Variants in PSG3 observed in about 807,000 individuals in gnomAD.
PSG3 encodes pregnancy-specific beta-1-glycoprotein 3.
A neutral mutation model predicts 47.5 loss-of-function variants in PSG3; 61 were observed. The observed-to-expected ratio is 1.28, with a 90% confidence interval of 1.05 to 1.59. The LOEUF is 1.59. Ranked by LOEUF, PSG3 falls within the 40% of genes most tolerant of loss-of-function variation. The pLI is 0.00. For missense variants in PSG3, 756 were observed against 524.0 expected (o/e 1.44, Z -4.32); for synonymous variants, 263 against 198.4 (o/e 1.33, Z -2.74).
chr19:42,734,054 C>A (rs534302121), intron 2 of PSG3: 7 of 152,168 alleles, frequency 4.6e-5, no homozygotes, highest in African/African-American at 7.2e-5. Context: ...TACCTGATAT[C>A]AGTGGATTCC....
At position 42,724,326 on chromosome 19, in the gene PSG3, G is replaced by T. The variant is rs139621474; in HGVS notation, c.1244-301C>A. Among the ~76,000 whole-genome samples, 902 of 152,206 alleles carry T rather than the reference G, an allele frequency of 5.9e-3. 6 individuals are homozygous for T. Among genetic ancestry groups the T allele is most frequent in the Non-Finnish European group, 9.4e-3 (638 of 67,994 alleles). On this transcript the variant is annotated intron_variant, in intron 5 of 6. Coordinates refer to ENST00000327495, the MANE Select transcript of PSG3 (RefSeq NM_021016.4). ...TATGTCATTAGAACTTGCCACCTTT[G>T]CACCTTTTCATGGTTGCATCTTTTT...
intron 2 of PSG3, among the ~76,000 whole-genome samples, chr19:42,737,326 A>G (rs1969581690): frequency 6.6e-6 from 1 of 152,084 alleles, no homozygotes; most frequent in African/African-American, 2.4e-5. Context: ...GTTTTGGATC[A>G]TTCATTTCTT....
chr19:42,730,065 A>G lies in PSG3; in HGVS notation c.710-9T>C, dbSNP rs751602443. On this transcript the variant is annotated splice_polypyrimidine_tract_variant and intron_variant, in intron 3 of 6. Coordinates refer to ENST00000327495, the MANE Select transcript of PSG3 (RefSeq NM_021016.4). ...GGGCTTGGGCAGCTTCGCTGTGTGG[A>G]TAACAGAGAGAAGATTGTCCTGTGT... is the stretch of plus-strand genomic sequence containing the variant. The G allele has an allele frequency of 9.9e-6, 16 of 1,610,402 alleles. No homozygotes were observed. The highest frequency in any genetic ancestry group is 1.4e-5 in the Non-Finnish European group (16 of 1,178,660).
intron 6 of PSG3, 26 bp downstream of exon 6, chr19:42,723,916 C>A (rs1186430852): frequency 2.0e-6 from 3 of 1,523,806 alleles, no homozygotes; most frequent in African/African-American, 2.8e-5. Context: ...CTGCAGGAAC[C>A]AGGATAAGAG....
Position 42,738,907 on chromosome 19 carries a change from C to T in PSG3, c.247G>A (p.Val83Ile), listed in dbSNP as rs202155567. 2.7e-4 allele frequency: 434 copies of T among 1,613,852 alleles called. No individual in the cohort carries two copies. Among genetic ancestry groups the T allele is most frequent in the Middle Eastern group, 4.9e-4 (3 of 6,082 alleles). The change falls in exon 2 of 7, where the codon GTA becomes ATA. Residue 83 changes from valine (V) to isoleucine (I), a missense_variant. Physicochemically the swap from Val to Ile is conservative, Grantham distance 29 (BLOSUM62 3). Transcript: ENST00000327495. ...TATATAATTATTTGACCATCTACTACGTATGATGTAATGTAATGGTAGAGG... is the reference window on the plus strand; with the variant it reads ...TATATAATTATTTGACCATCTACTATGTATGATGTAATGTAATGGTAGAGG... ...KDLYHYITSYVVDGQIIIYGP... is the reference protein window; with the variant it reads ...KDLYHYITSYIVDGQIIIYGP...
Position 42,732,698 on chromosome 19 carries a change from G to T in PSG3, c.709+86C>A. 3 of 1,613,946 alleles carry T rather than the reference G, an allele frequency of 1.9e-6. No individual in the cohort carries two copies. In the Middle Eastern group the frequency reaches 5.0e-4, roughly 267 times the overall value. On this transcript the variant is annotated intron_variant, in intron 3 of 6. Transcript: ENST00000327495. ...CCAGGGGTAAAGGTCTCTGTACTTGGACCTGAGAGGGACTGAGAGGCCTGG... is the reference window on the plus strand; with the variant it reads ...CCAGGGGTAAAGGTCTCTGTACTTGTACCTGAGAGGGACTGAGAGGCCTGG...
chr19:42,727,052 G>T (rs1345426124), intron 5 of PSG3, among the ~76,000 whole-genome samples: 4 of 152,176 alleles, frequency 2.6e-5, no homozygotes, highest in Non-Finnish European at 4.4e-5. Flanking sequence ...CTCACCAAAT[G>T]ATATTGGGAA....
intron 5 of PSG3, among the ~76,000 whole-genome samples, chr19:42,728,116 G>T (rs950476393): frequency 2.0e-5 from 3 of 152,188 alleles, no homozygotes; most frequent in Admixed American, 6.5e-5. Flanking sequence ...TAAGGTTTAG[G>T]GGGAGAAGGA....
intron 3 of PSG3, 75 bp downstream of exon 3, chr19:42,732,709 G>A: frequency 6.2e-7 from 1 of 1,614,082 alleles, no homozygotes; most frequent in Non-Finnish European, 8.5e-7. Flanking sequence ...ACCTGAGAGG[G>A]ACTGAGAGGC....
At position 42,722,047 on chromosome 19, in the gene PSG3, T is replaced by G; in HGVS notation, c.*84A>C. 1 of 415,608 alleles carries G rather than the reference T, an allele frequency of 2.4e-6. No homozygotes were observed. The highest frequency in any genetic ancestry group is 4.4e-6 in the Non-Finnish European group (1 of 226,466). 25.7% of individuals were successfully genotyped at this position (415,608 alleles called of 1,614,324 possible). ...CCTTGAACAAAAAGCAATTTTGGAC[T>G]GTAGCTGATGGTAAATACTTTGAGG... On this transcript the variant is annotated 3_prime_UTR_variant, in exon 7 of 7. Coordinates refer to ENST00000327495, the MANE Select transcript of PSG3 (RefSeq NM_021016.4).
rs2122201930 is a variant in PSG3 at position 42,738,972 on chromosome 19, T to A, written c.182A>T (p.Asn61Ile). Residue 61 changes from asparagine to isoleucine, a missense_variant, in exon 2 of 7, where the codon AAT becomes ATT. Coordinates refer to ENST00000327495, the MANE Select transcript of PSG3 (RefSeq NM_021016.4). ...VLLLVHNLPQ[N>I]LAGYIWYKGQ... ...TTTGTACCAGATGTAGCCAGCAAGA[T>A]TCTGGGGCAAATTGTGGACAAGTAG... The A allele has an allele frequency of 6.2e-7, 1 of 1,613,966 alleles. No homozygotes were observed. Among genetic ancestry groups the A allele is most frequent in the South Asian group, 1.1e-5 (1 of 91,070 alleles).
At chr19:42,732,642 T>A (rs1028611841) in intron 3 of PSG3, 142 bp downstream of exon 3, 1 of 1,588,286 alleles carries the variant, frequency 6.3e-7, no homozygotes, top group Non-Finnish European at 8.6e-7. Flanking sequence ...CTGGTTTGCC[T>A]GGGGCAGAAA....
chr19:42,725,531 A>G (rs945679893), intron 5 of PSG3, among the ~76,000 whole-genome samples: 16 of 152,180 alleles, frequency 1.1e-4, no homozygotes, highest in African/African-American at 3.6e-4. Flanking sequence ...ATTGACTAAG[A>G]AAAAAAGAGA....
chr19:42,739,412 T>A (rs1969629181), intron 1 of PSG3: 1 of 302,558 alleles, frequency 3.3e-6, no homozygotes, highest in East Asian at 7.1e-5. Flanking sequence ...CAGGGCATCC[T>A]TAGACTTCTT....
At chr19:42,724,876 T>C (rs1479420770) in intron 5 of PSG3, among the ~76,000 whole-genome samples, 2 of 151,416 alleles carry the variant, frequency 1.3e-5, no homozygotes, top group Non-Finnish European at 2.9e-5. Context: ...TCTTTTTCCA[T>C]ATATATATAT....
At chr19:42,734,325 T>G (rs1215245279) in intron 2 of PSG3, 1 of 152,230 alleles carries the variant, frequency 6.6e-6, no homozygotes, top group Non-Finnish European at 1.5e-5. Flanking sequence ...TCTGAAAAAT[T>G]TAAAATCCAC....
Position 42,729,914 on chromosome 19 carries a change from G to C in PSG3, c.852C>G (p.Pro284=), listed in dbSNP as rs761049655. 9 of 1,612,090 alleles carry C rather than the reference G, an allele frequency of 5.6e-6. No individual in the cohort carries two copies. In the East Asian group the frequency reaches 8.9e-5, roughly 16 times the overall value. Residue 284 remains proline, a synonymous_variant, in exon 4 of 7, where the codon CCC becomes CCG. Transcript: ENST00000327495. Reference sequence around the variant, plus strand: ...TGTTTTCAATGGGTCGCTTTACCCTGGGACTGACCGGGAGGCTCTGACCAT... The same window carrying C: ...TGTTTTCAATGGGTCGCTTTACCCTCGGACTGACCGGGAGGCTCTGACCAT... ...WLNGQSLPVS[P]RVKRPIENRI...
chr19:42,736,974 A>T (rs986476667), intron 2 of PSG3, among the ~76,000 whole-genome samples: 1 of 151,990 alleles, frequency 6.6e-6, no homozygotes, highest in Admixed American at 6.6e-5. Flanking sequence ...GGGGTGGGGG[A>T]AGAAGCTGTG....
In PSG3 at chr19:42,732,841, C is replaced by T. The variant is rs1969495458; in HGVS notation, c.652G>A (p.Glu218Lys). 11 of 1,614,084 alleles carry T rather than the reference C, an allele frequency of 6.8e-6. No homozygotes were observed. Among genetic ancestry groups the T allele is most frequent in the Non-Finnish European group, 9.3e-6 (11 of 1,180,038 alleles). The change falls in exon 3 of 7, where the codon GAA (glutamate) becomes AAA (lysine). Residue 218 changes from glutamate (E) to lysine (K), a missense_variant. By Grantham distance (56) the Glu-to-Lys change is moderately conservative (BLOSUM62 1). Coordinates refer to ENST00000327495, the MANE Select transcript of PSG3 (RefSeq NM_021016.4). ...TKYTAGPYEC[E>K]IRNPVSASRS... is the part of the protein sequence containing the mutation. The stretch of plus-strand genomic sequence containing the variant: ...CTGGCACTCACTGGGTTCCGTATTT[C>T]ACATTCATAGGGTCCTGCAGTGTAC...
Sources: gnomAD v4.1 joint callset for allele counts (sites outside exome capture counted in the v4.1 genomes callset) on GRCh38, gnomAD v4.1.1 for gene constraint, MANE v1.5 for transcripts, NCBI Gene and HGNC (gene_info 2026-07-23, HGNC 2026-07-21) for gene names.